The following EPRS1 variants were observed in gnomAD, a reference collection of about 807,000 sequenced individuals.
EPRS1 encodes the protein bifunctional glutamate/proline--tRNA ligase.
EPRS1 carries 107 observed loss-of-function variants against 188.3 expected under a neutral mutation model. The ratio of observed to expected loss-of-function variants is 0.57; its 90% CI spans 0.49 to 0.67. The LOEUF is 0.67. Among genes scored for constraint, EPRS1 ranks in the 30% least tolerant of loss-of-function variants. EPRS1 has a pLI of 0.00. For missense variants in EPRS1, 1,577 were observed against 1,802.2 expected (o/e 0.88, Z 2.26); for synonymous variants, 596 against 593.1 (o/e 1.00, Z -0.07).
At position 219,980,117 on chromosome 1, in the gene EPRS1, C is replaced by G; in HGVS notation, c.3679G>C (p.Ala1227Pro). 6.2e-7 allele frequency: 1 copy of G among 1,613,788 alleles called. No homozygotes were observed. Among genetic ancestry groups the G allele is most frequent in the Non-Finnish European group, 8.5e-7 (1 of 1,179,866 alleles). Reference protein sequence around the residue: ...AGGDYTTTIEAFISASGRAIQ... With the variant: ...AGGDYTTTIEPFISASGRAIQ... ...GCTCTTCCACTAGCAGATATAAATG[C>G]TTCTATTGTAGTTGTATAGTCTCCT... is the stretch of plus-strand genomic sequence containing the variant. The change falls in exon 26 of 32, where the codon GCA becomes CCA. Residue 1227 changes from alanine to proline, a missense_variant. By Grantham distance (27) the Ala-to-Pro change is conservative. Around this residue, in one of 3 missense-constraint regions of EPRS1, gnomAD observed 1,278 missense variants for 1,457.4 expected, o/e 0.88. Transcript: ENST00000366923.
rs1558057811 is a variant in EPRS1 at position 220,020,827 on chromosome 1, TATATATATATATATATA to T, written c.1116-623_1116-607del. Among the ~76,000 whole-genome samples the T allele has an allele frequency of 3.0e-3, 7 of 2,368 alleles. No homozygotes were observed. The East Asian group carries it at 0.17, about 59-fold the overall frequency. The allele number at this position is 2,368 out of a possible 152,430, so 1.6% of individuals were successfully genotyped here. A position where few individuals can be genotyped will look rare whatever the true frequency, so the allele number is the denominator to read the frequency against. On this transcript the variant is annotated intron_variant, in intron 9 of 31. Transcript: ENST00000366923. ...TACATGCAGTATCAATTTGAATTTA[TATATATATATATATATA>T]TATATATATATATATATATATATAT... is the stretch of plus-strand genomic sequence containing the variant.
chr1:220,006,184 GAC>G lies in EPRS1; in HGVS notation c.1870_1871del (p.Val624HisfsTer3). ...THALPIPVIC[V>X]TYEHLITKPV... ...GCTTTGTGATCAAGTGCTCATAAGT[GAC>G]ACAGATTACTGGAATAGGAAGAGCA... On this transcript the variant is annotated frameshift_variant, in exon 15 of 32. Transcript: ENST00000366923. LOFTEE classifies it high-confidence loss of function. 1.2e-6 allele frequency: 2 copies of G among 1,605,136 alleles called. No homozygotes were observed. Among genetic ancestry groups the G allele is most frequent in the Non-Finnish European group, 1.7e-6 (2 of 1,174,530 alleles).
intron 16 of EPRS1, among the ~76,000 whole-genome samples, chr1:220,004,690 C>G (rs937234465): frequency 6.6e-6 from 1 of 152,038 alleles, no homozygotes; most frequent in Admixed American, 6.5e-5. Flanking sequence ...GTTAGATTCA[C>G]AAGACTAAAT....
At chr1:219,987,439 G>C (rs780759726) in intron 19 of EPRS1, 35 bp from the exon 20 acceptor site, 2 of 1,532,352 alleles carry the variant, frequency 1.3e-6, no homozygotes, top group African/African-American at 2.8e-5. Flanking sequence ...AGAGAAGACA[G>C]TATTTAACTC....
At chr1:220,009,433 A>C (rs1216334001) in intron 13 of EPRS1, among the ~76,000 whole-genome samples, 1 of 152,212 alleles carries the variant, frequency 6.6e-6, no homozygotes, top group Non-Finnish European at 1.5e-5. Flanking sequence ...AAGCTGAAAT[A>C]AAACAACTCT....
chr1:219,987,399 T>C lies in EPRS1; in HGVS notation c.2781A>G (p.Gln927=), dbSNP rs1410218560. Residue 927 remains glutamine, a synonymous_variant, in exon 20 of 32, where the codon CAA becomes CAG. Coordinates refer to ENST00000366923, the MANE Select transcript of EPRS1 (RefSeq NM_004446.3). ...KLKTEKAPKD[Q]VDIAVQELLQ... ...GGAGTTCTTGAACAGCTATATCTAC[T>C]TGATCCTTTAGTTTAACAAAAGAGG... The C allele has an allele frequency of 1.3e-6, 2 of 1,592,662 alleles. No homozygotes were observed. The highest frequency in any genetic ancestry group is 1.8e-5 in the Admixed American group (1 of 55,404).
At chr1:220,041,823 A>C (rs1662300493) in intron 1 of EPRS1, among the ~76,000 whole-genome samples, 1 of 150,744 alleles carries the variant, frequency 6.6e-6, no homozygotes, top group African/African-American at 2.4e-5. Flanking sequence ...CTGGGCAACA[A>C]GAGTGAAATT....
intron 19 of EPRS1, 89 bp downstream of exon 19, chr1:219,988,501 C>A: frequency 2.4e-6 from 2 of 816,566 alleles, no homozygotes; most frequent in Admixed American, 2.6e-5. Flanking sequence ...AGAAGTTAGC[C>A]AGATTTGATG....
At chr1:220,021,886 T>C (rs1028936871) in intron 9 of EPRS1, among the ~76,000 whole-genome samples, 1 of 152,148 alleles carries the variant, frequency 6.6e-6, no homozygotes, top group Non-Finnish European at 1.5e-5. Flanking sequence ...AAAAGGTCCA[T>C]TTAAAACAAA....
chr1:220,008,077 A>G lies in EPRS1; in HGVS notation c.1606-739T>C, dbSNP rs1661527790. On this transcript the variant is annotated intron_variant, in intron 13 of 31. Transcript: ENST00000366923. Reference sequence around the variant, plus strand: ...AGCCGAGATTGCATCACGGCACTCCAGCCTGGGCAACAGAGCGAGACTCCG... The same window carrying G: ...AGCCGAGATTGCATCACGGCACTCCGGCCTGGGCAACAGAGCGAGACTCCG... 2.7e-5 allele frequency among the ~76,000 whole-genome samples: 4 copies of G among 150,220 alleles called. No individual in the cohort carries two copies. The South Asian group carries it at 8.4e-4, about 32-fold the overall frequency.
intron 17 of EPRS1, among the ~76,000 whole-genome samples, chr1:219,999,527 C>T (rs970917964): frequency 2.6e-5 from 4 of 152,144 alleles, no homozygotes; most frequent in African/African-American, 9.7e-5. Flanking sequence ...TGGACACTCA[C>T]TTTTGGAGGC....
intron 1 of EPRS1, among the ~76,000 whole-genome samples, chr1:220,044,013 G>A (rs184516966): frequency 6.0e-4 from 91 of 152,316 alleles, no homozygotes; most frequent in African/African-American, 2.0e-3. Context: ...GAGATCACCT[G>A]GAGTTTCCAA....
chr1:220,026,542 T>A (rs1002100092), intron 6 of EPRS1, among the ~76,000 whole-genome samples: 1 of 152,012 alleles, frequency 6.6e-6, no homozygotes, highest in African/African-American at 2.4e-5. Context: ...TTGTTTGTTT[T>A]TTTTTTGAGA....
In EPRS1 at chr1:219,968,817, G is replaced by A. The variant is rs547115453; in HGVS notation, c.4528C>T (p.Arg1510Cys). Residue 1510 changes from arginine (R) to cysteine (C), a missense_variant, in exon 32 of 32, where the codon CGC becomes TGC. Physicochemically the swap from Arg to Cys is radical, Grantham distance 180. Around this residue, in one of 3 missense-constraint regions of EPRS1, gnomAD observed 296 missense variants for 327.9 expected, o/e 0.90. Coordinates refer to ENST00000366923, the MANE Select transcript of EPRS1 (RefSeq NM_004446.3). ...NPAKYYTLFG[R>C]SY ...CTTTCGTTCATCCCTCAGTAGCTGC[G>A]ACCAAATAAGGTGTAGTACTTGGCA... The A allele has an allele frequency of 6.3e-5, 102 of 1,614,046 alleles. No individual in the cohort carries two copies. Among genetic ancestry groups the A allele is most frequent in the Non-Finnish European group, 7.6e-5 (90 of 1,179,982 alleles).
intron 6 of EPRS1, among the ~76,000 whole-genome samples, chr1:220,028,492 T>G (rs1662027917): frequency 1.3e-5 from 2 of 151,412 alleles, no homozygotes; most frequent in Non-Finnish European, 2.9e-5. Context: ...CACAAAAGAA[T>G]CATGCTGCAT....
rs566701239 is a variant in EPRS1, at chr1:219,982,954, C to T, written c.3301-110G>A. On this transcript the variant is annotated intron_variant, in intron 22 of 31. Coordinates refer to ENST00000366923, the MANE Select transcript of EPRS1 (RefSeq NM_004446.3). ...TTAATTTTTGCTATATCAATTTAGG[C>T]AAGTTAAAATAGTCGCTGCTGTTCA... The T allele has an allele frequency of 1.3e-5, 13 of 1,008,828 alleles. No individual in the cohort carries two copies. The African/African-American group carries it at 1.8e-4, about 14-fold the overall frequency. 62.5% of individuals were successfully genotyped at this position (1,008,828 alleles called of 1,614,324 possible).
rs1239307023 is a variant in EPRS1, at chr1:219,968,939, G to A, written c.4406C>T (p.Pro1469Leu). 6.2e-7 allele frequency: 1 copy of A among 1,614,014 alleles called. No homozygotes were observed. The highest frequency in any genetic ancestry group is 8.5e-7 in the Non-Finnish European group (1 of 1,179,924). Residue 1469 changes from proline (P) to leucine (L), a missense_variant, in exon 32 of 32, where the codon CCT becomes CTT. By Grantham distance (98) the Pro-to-Leu change is moderately conservative (BLOSUM62 -3). Around this residue, in one of 3 missense-constraint regions of EPRS1, gnomAD observed 296 missense variants for 327.9 expected, o/e 0.90. Transcript: ENST00000366923. ...KTTARDQDLE[P>L]GAPSMGAKSL... ...TTTAGCTCCCATGGATGGAGCACCA[G>A]GTTCAAGATCTTGATCCCTGAAATT...
At chr1:220,005,042 T>C (rs1661431725) in intron 16 of EPRS1, among the ~76,000 whole-genome samples, 1 of 152,224 alleles carries the variant, frequency 6.6e-6, no homozygotes, top group Non-Finnish European at 1.5e-5. Context: ...AATGAATAAT[T>C]TATTAATGTT....
At chr1:220,016,433 CAG>C (rs1661714724) in intron 12 of EPRS1, among the ~76,000 whole-genome samples, 1 of 149,600 alleles carries the variant, frequency 6.7e-6, no homozygotes, top group South Asian at 2.1e-4. Flanking sequence ...TCTTTTGAGA[CAG>C]AGTCTCACCC....
Sources: gnomAD v4.1 joint callset for allele counts (sites outside exome capture counted in the v4.1 genomes callset) on GRCh38, gnomAD v4.1.1 for gene constraint, gnomAD v4.1.1 regional missense constraint, MANE v1.5 for transcripts, NCBI Gene and HGNC (gene_info 2026-07-23, HGNC 2026-07-21) for gene names.